The following ZFYVE28 variants were observed in gnomAD, a reference collection of about 807,000 sequenced individuals.
The protein encoded by ZFYVE28 is lateral signaling target protein 2 homolog.
Under a neutral mutation model 82.1 loss-of-function variants are expected in ZFYVE28, and 40 were observed. The ratio of observed to expected loss-of-function variants is 0.49; its 90% CI spans 0.38 to 0.63. ZFYVE28 has a LOEUF of 0.63. Ranked by LOEUF, ZFYVE28 falls within the 30% of genes least tolerant of loss-of-function variation. The pLI is 0.00. For synonymous variants in ZFYVE28, 612 were observed against 546.1 expected, an observed-to-expected ratio of 1.12 and a Z score of -1.68; for missense variants, 1,321 against 1,242.1, an observed-to-expected ratio of 1.06 and a Z score of -0.96.
intron 4 of ZFYVE28, among the ~76,000 whole-genome samples, chr4:2,338,682 A>C (rs1722246398): frequency 1.3e-5 from 2 of 152,254 alleles, no homozygotes. Context: ...CAAGAAAATA[A>C]AACTCGACTG....
rs547017649 is a variant in ZFYVE28, at chr4:2,372,053, C to T, written c.40-17980G>A. Reference sequence around the variant, plus strand: ...AGGCCATGCACGAGCCTCAGGTCAGCCCAGTGGAAGCCTGGAGGGGCGTGC... The same window carrying T: ...AGGCCATGCACGAGCCTCAGGTCAGTCCAGTGGAAGCCTGGAGGGGCGTGC... On this transcript the variant is annotated intron_variant, in intron 1 of 12. Transcript: ENST00000290974. The surrounding 1 kb of genome is among the most constrained non-coding windows in gnomAD (Gnocchi z 5.2). Among the ~76,000 whole-genome samples, 1 of 152,236 alleles carries T rather than the reference C, an allele frequency of 6.6e-6. No homozygotes were observed. The highest frequency in any genetic ancestry group is 1.9e-4 in the East Asian group (1 of 5,162).
intron 7 of ZFYVE28, among the ~76,000 whole-genome samples, chr4:2,315,112 T>A (rs1718020148): frequency 6.6e-6 from 1 of 152,080 alleles, no homozygotes; most frequent in Non-Finnish European, 1.5e-5. Context: ...GATACAATTT[T>A]TTTTTCTGAA....
chr4:2,309,180 G>T (rs979430975), intron 7 of ZFYVE28, among the ~76,000 whole-genome samples: 12 of 152,174 alleles, frequency 7.9e-5, no homozygotes, highest in African/African-American at 2.2e-4. Flanking sequence ...AGAGTGGGTT[G>T]TCATGAAGTG....
At chr4:2,381,165 T>TTGTTCA (rs142966804) in intron 1 of ZFYVE28, among the ~76,000 whole-genome samples, 51,247 of 151,720 alleles carry the variant, frequency 0.34, 9,054 homozygotes, top group East Asian at 0.49. Flanking sequence ...ATGAGGAACT[T>TTGTTCA]GTTGGGAACT....
At chr4:2,334,375 T>C (rs889105321) in intron 6 of ZFYVE28, among the ~76,000 whole-genome samples, 2 of 151,916 alleles carry the variant, frequency 1.3e-5, no homozygotes, top group Non-Finnish European at 2.9e-5. Context: ...ACAAGGGGTG[T>C]TCGGCGCATC....
At chr4:2,382,540 C>T (rs1023615008) in intron 1 of ZFYVE28, among the ~76,000 whole-genome samples, 1 of 152,120 alleles carries the variant, frequency 6.6e-6, no homozygotes, top group Non-Finnish European at 1.5e-5. Context: ...CTTGCATGGG[C>T]CCTGTAACCC....
In ZFYVE28 at chr4:2,320,324, C is replaced by T. The variant is rs1718896844; in HGVS notation, c.702-53G>A. 3.2e-6 allele frequency: 5 copies of T among 1,540,732 alleles called. No homozygotes were observed. The highest frequency in any genetic ancestry group is 2.7e-6 in the Non-Finnish European group (3 of 1,127,344). On this transcript the variant is annotated intron_variant, in intron 6 of 12. Transcript: ENST00000290974. This position sits in a 1 kb window ranked among gnomAD's most constrained non-coding sequence, Gnocchi z 5.1. Reference sequence around the variant, plus strand: ...GTCAGGCCCTGTGGCCCCCTGGGTGCCGCGGACGGCCCAACTTAACCACCT... The same window carrying T: ...GTCAGGCCCTGTGGCCCCCTGGGTGTCGCGGACGGCCCAACTTAACCACCT...
At chr4:2,308,767 G>T (rs61789419) in intron 7 of ZFYVE28, among the ~76,000 whole-genome samples, 2 of 151,288 alleles carry the variant, frequency 1.3e-5, no homozygotes, top group East Asian at 1.9e-4. Context: ...GAGAGAAAGA[G>T]GGAGGGAGGA....
intron 5 of ZFYVE28, among the ~76,000 whole-genome samples, chr4:2,336,775 G>GTGAGGAGGTGAGGAGGGAGGAGA (rs1721794582): frequency 1.6e-5 from 2 of 128,704 alleles, no homozygotes; most frequent in African/African-American, 2.7e-5. Flanking sequence ...GAGTGAGGAG[G>GTGAGGAGGTGAGGAGGGAGGAGA]TGAGGAGGTG....
At chr4:2,370,722 G>A (rs1034552018) in intron 1 of ZFYVE28, among the ~76,000 whole-genome samples, 10 of 152,280 alleles carry the variant, frequency 6.6e-5, no homozygotes, top group South Asian at 2.1e-4. Context: ...TCGGCTCCCC[G>A]GACGTGGCAA....
At chr4:2,318,389 C>A (rs1189048329) in intron 7 of ZFYVE28, among the ~76,000 whole-genome samples, 3 of 152,146 alleles carry the variant, frequency 2.0e-5, no homozygotes, top group African/African-American at 7.2e-5. Flanking sequence ...GAAACCCCGT[C>A]TCTACTAAAA....
chr4:2,360,412 C>CAT (rs966451324), intron 1 of ZFYVE28, among the ~76,000 whole-genome samples: 1 of 151,586 alleles, frequency 6.6e-6, no homozygotes, highest in African/African-American at 2.4e-5. Flanking sequence ...CACACACACA[C>CAT]ACACACACAC....
chr4:2,351,205 C>T (rs545094122), intron 2 of ZFYVE28, among the ~76,000 whole-genome samples: 3 of 152,014 alleles, frequency 2.0e-5, no homozygotes, highest in Admixed American at 2.0e-4. Flanking sequence ...ATAGAGGACC[C>T]CCACTGCTGT....
chr4:2,314,978 G>C (rs1224323740), intron 7 of ZFYVE28, among the ~76,000 whole-genome samples: 1 of 152,100 alleles, frequency 6.6e-6, no homozygotes, highest in Non-Finnish European at 1.5e-5. Context: ...GCCTCACTAT[G>C]TTGTCCAGGC....
In ZFYVE28 at chr4:2,409,126, C is replaced by T. The variant is rs988186802; in HGVS notation, c.39+9159G>A. Among the ~76,000 whole-genome samples the T allele has an allele frequency of 6.6e-6, 1 of 151,238 alleles. No homozygotes were observed. Among genetic ancestry groups the T allele is most frequent in the African/African-American group, 2.4e-5 (1 of 41,056 alleles). The stretch of plus-strand genomic sequence containing the variant: ...TCACATTCCCCGTGGAGTTGCATGG[C>T]CATCAAACACACTGTCCAAACCCCT... On this transcript the variant is annotated intron_variant, in intron 1 of 12. Transcript: ENST00000290974. This position sits in a 1 kb window ranked among gnomAD's most constrained non-coding sequence, Gnocchi z 4.4.
chr4:2,270,791 G>C lies in ZFYVE28; in HGVS notation c.2598C>G (p.Val866=). The change falls in exon 13 of 13, where the codon GTC becomes GTG. Residue 866 remains valine (V), a synonymous_variant. Transcript: ENST00000290974. The part of the protein sequence containing the change: ...PLPRYGQVKP[V]RVCTHCYMFH... The stretch of plus-strand genomic sequence containing the variant: ...ACATGTAGCAGTGGGTGCACACTCG[G>C]ACCGGCTTCACCTGCCCGTAGCGGG... 6.2e-7 allele frequency: 1 copy of C among 1,613,182 alleles called. No homozygotes were observed. The highest frequency in any genetic ancestry group is 1.3e-5 in the African/African-American group (1 of 75,064).
intron 11 of ZFYVE28, 25 bp from the exon 12 acceptor site, chr4:2,271,439 A>T: frequency 5.0e-6 from 8 of 1,607,126 alleles, no homozygotes; most frequent in Non-Finnish European, 6.8e-6. Context: ...GCAGCGTCAC[A>T]TCAGCGACGG....
chr4:2,325,592 C>CT (rs58460729), intron 6 of ZFYVE28, among the ~76,000 whole-genome samples: 38,583 of 122,380 alleles, frequency 0.32, 7,097 homozygotes, highest in Middle Eastern at 0.43. Flanking sequence ...TTAAATCTTA[C>CT]TTTTTTTTTT....
rs1294017938 is a variant in ZFYVE28, at chr4:2,394,223, G to A, written c.39+24062C>T. The stretch of plus-strand genomic sequence containing the variant: ...TTTCATGATCGGAAGGTCAACTGAC[G>A]AGCAGGCGTAGTTCCATCTTTAACC... On this transcript the variant is annotated intron_variant, in intron 1 of 12. Coordinates refer to ENST00000290974, the MANE Select transcript of ZFYVE28 (RefSeq NM_020972.3). The surrounding 1 kb of genome is among the most constrained non-coding windows in gnomAD (Gnocchi z 4.0). 6.6e-6 allele frequency among the ~76,000 whole-genome samples: 1 copy of A among 152,090 alleles called. No individual in the cohort carries two copies. The highest frequency in any genetic ancestry group is 2.4e-5 in the African/African-American group (1 of 41,408).
Sources: gnomAD v4.1 joint callset for allele counts (sites outside exome capture counted in the v4.1 genomes callset) on GRCh38, gnomAD v4.1.1 for gene constraint, Gnocchi (gnomAD v3.1) non-coding constraint, MANE v1.5 for transcripts, NCBI Gene and HGNC (gene_info 2026-07-23, HGNC 2026-07-21) for gene names.